TBC1D12: variants seen among roughly 807,000 people sequenced by gnomAD.
TBC1D12 encodes the protein TBC1 domain family, member 12.
Under a neutral mutation model 86.7 loss-of-function variants are expected in TBC1D12, and 56 were observed. The observed-to-expected ratio is 0.65, with a 90% CI of 0.52 to 0.81. The LOEUF (loss-of-function observed/expected upper bound fraction) is 0.81, where lower values mean the gene tolerates loss of function less well. TBC1D12 is among the 30% of genes least tolerant of loss of function. The pLI, the probability that TBC1D12 is intolerant of heterozygous loss-of-function variation, is 0.00. For synonymous variants in TBC1D12, 421 were observed against 411.7 expected (o/e 1.02, Z -0.27); for missense variants, 1,023 against 1,038.8 (o/e 0.98, Z 0.21).
chr10:94,413,191 C>G (rs2054949558), intron 1 of TBC1D12, among the ~76,000 whole-genome samples: 1 of 152,162 alleles, frequency 6.6e-6, no homozygotes, highest in South Asian at 2.1e-4. Flanking sequence ...AGAACAGATT[C>G]AAAATACAAA....
At chr10:94,452,211 A>G (rs2055561507) in intron 2 of TBC1D12, among the ~76,000 whole-genome samples, 1 of 152,052 alleles carries the variant, frequency 6.6e-6, no homozygotes, top group Admixed American at 6.6e-5. Flanking sequence ...CTGTCCCCAC[A>G]TACACACAAC....
rs2055960990 is a variant in TBC1D12 at position 94,474,696 on chromosome 10, G to A, written c.1124G>A (p.Cys375Tyr). 1.2e-6 allele frequency: 2 copies of A among 1,613,914 alleles called. No homozygotes were observed. Among genetic ancestry groups the A allele is most frequent in the African/African-American group, 1.3e-5 (1 of 74,886 alleles). The change falls in exon 3 of 13, where the codon TGT becomes TAT. Residue 375 changes from cysteine (C) to tyrosine (Y), a missense_variant. Transcript: ENST00000225235. ...QEYEARTGRT[C>Y]KPPPQSSRRK... Reference sequence around the variant, plus strand: ...TATGAAGCACGAACGGGGAGGACCTGTAAACCACCACCTCAGTCTTCAAGA... The same window carrying A: ...TATGAAGCACGAACGGGGAGGACCTATAAACCACCACCTCAGTCTTCAAGA...
At chr10:94,527,143 A>G (rs1842312859) in intron 11 of TBC1D12, among the ~76,000 whole-genome samples, 1 of 149,978 alleles carries the variant, frequency 6.7e-6, no homozygotes, top group Non-Finnish European at 1.5e-5. Context: ...CCCAGGCTGG[A>G]GTGCAGTGGC....
intron 3 of TBC1D12, among the ~76,000 whole-genome samples, chr10:94,492,637 AT>A (rs1201681314): frequency 2.0e-5 from 3 of 152,236 alleles, no homozygotes; most frequent in Non-Finnish European, 2.9e-5. Flanking sequence ...GAAGCCAGAC[AT>A]TAGTCCTTCA....
intron 2 of TBC1D12, 67 bp downstream of exon 2, chr10:94,442,086 T>C (rs930775840): frequency 4.5e-3 from 4,038 of 897,566 alleles, no homozygotes; most frequent in East Asian, 0.025. Flanking sequence ...CTTCTTCTTT[T>C]TTTTTTTTTT....
In TBC1D12 at chr10:94,510,186, G is replaced by T. The variant is rs772385566; in HGVS notation, c.1689+7G>T. The T allele has an allele frequency of 2.4e-5, 37 of 1,555,426 alleles. 1 individual carries two copies. In the Middle Eastern group the frequency reaches 4.0e-3, roughly 169 times the overall value. On this transcript the variant is annotated splice_region_variant and intron_variant, in intron 8 of 12. Coordinates refer to ENST00000225235, the MANE Select transcript of TBC1D12 (RefSeq NM_015188.2). The stretch of plus-strand genomic sequence containing the variant: ...TCTCTACATCTTTCAGAAGGTGAGG[G>T]TTTCTAACCAGCTTGTAATTACTTA...
chr10:94,527,108 C>T (rs926268709), intron 11 of TBC1D12, among the ~76,000 whole-genome samples: 3 of 109,224 alleles, frequency 2.7e-5, no homozygotes, highest in African/African-American at 7.6e-5. Context: ...GTGTGTGTGA[C>T]GGAGTCATTC....
intron 2 of TBC1D12, among the ~76,000 whole-genome samples, chr10:94,473,252 C>T (rs1411089699): frequency 5.3e-5 from 8 of 150,406 alleles, no homozygotes; most frequent in Non-Finnish European, 1.0e-4. Flanking sequence ...CCCAGCTACT[C>T]GGGAGGCTGA....
intron 11 of TBC1D12, among the ~76,000 whole-genome samples, chr10:94,524,565 C>T (rs546527289): frequency 1.8e-4 from 28 of 151,670 alleles, no homozygotes; most frequent in African/African-American, 2.4e-5. Flanking sequence ...ATGGTGAAAC[C>T]CGATTTCTAC....
At chr10:94,486,808 A>G (rs1290837827) in intron 3 of TBC1D12, among the ~76,000 whole-genome samples, 1 of 152,152 alleles carries the variant, frequency 6.6e-6, no homozygotes, top group East Asian at 1.9e-4. Context: ...GTATTTTGTT[A>G]ATATTCTATT....
At chr10:94,518,505 A>G (rs1342454638) in intron 9 of TBC1D12, among the ~76,000 whole-genome samples, 2 of 152,194 alleles carry the variant, frequency 1.3e-5, no homozygotes, top group African/African-American at 4.8e-5. Flanking sequence ...TCACTTTTCA[A>G]AAGTTAAGTC....
At chr10:94,456,195 AT>A (rs1476033176) in intron 2 of TBC1D12, among the ~76,000 whole-genome samples, 1 of 150,812 alleles carries the variant, frequency 6.6e-6, no homozygotes, top group Non-Finnish European at 1.5e-5. Context: ...CCTGCTCTTT[AT>A]TTTTTTCTGC....
At chr10:94,427,857 A>G (rs991685307) in intron 1 of TBC1D12, among the ~76,000 whole-genome samples, 1 of 147,672 alleles carries the variant, frequency 6.8e-6, no homozygotes, top group Non-Finnish European at 1.5e-5. Context: ...AAAAAAAAAA[A>G]GGAAAGAAAA....
At chr10:94,498,849 A>G (rs756878683) in intron 5 of TBC1D12, among the ~76,000 whole-genome samples, 20 of 151,332 alleles carry the variant, frequency 1.3e-4, no homozygotes, top group Non-Finnish European at 8.8e-5. Flanking sequence ...GCTCACCGCA[A>G]CCCCGACCTC....
In TBC1D12 at chr10:94,496,999, A is replaced by G; in HGVS notation, c.1295-56A>G. 3 of 1,052,716 alleles carry G rather than the reference A, an allele frequency of 2.8e-6. No homozygotes were observed. The South Asian group carries it at 4.9e-5, about 17-fold the overall frequency. 65.2% of individuals were successfully genotyped at this position (1,052,716 alleles called of 1,614,324 possible). ...TTTGTAGAGTTTAGGTAAATGGAGA[A>G]AAGGATTTTGATCTAGCTTATTTGT... On this transcript the variant is annotated intron_variant, in intron 4 of 12. Transcript: ENST00000225235.
chr10:94,450,653 G>A (rs1172298328), intron 2 of TBC1D12, among the ~76,000 whole-genome samples: 1 of 152,022 alleles, frequency 6.6e-6, no homozygotes, highest in African/African-American at 2.4e-5. Flanking sequence ...GAGCAATCCC[G>A]CTACTGGACA....
At chr10:94,504,642 T>A (rs2056438553) in intron 6 of TBC1D12, among the ~76,000 whole-genome samples, 1 of 152,180 alleles carries the variant, frequency 6.6e-6, no homozygotes, top group Non-Finnish European at 1.5e-5. Context: ...CAAATCTTGG[T>A]TCCACCATAA....
At chr10:94,474,612 T>C in intron 2 of TBC1D12, 56 bp from the exon 3 acceptor site, 4 of 1,206,778 alleles carry the variant, frequency 3.3e-6, no homozygotes, top group Middle Eastern at 1.9e-4. Flanking sequence ...ACAGATTTAA[T>C]AGTACAAACT....
At chr10:94,450,044 A>T (rs183991533) in intron 2 of TBC1D12, among the ~76,000 whole-genome samples, 2 of 152,332 alleles carry the variant, frequency 1.3e-5, no homozygotes, top group Admixed American at 1.3e-4. Flanking sequence ...CTATAGCAGA[A>T]CTTGAAGGAC....
Sources: gnomAD v4.1 joint callset for allele counts (sites outside exome capture counted in the v4.1 genomes callset) on GRCh38, gnomAD v4.1.1 for gene constraint, MANE v1.5 for transcripts, NCBI Gene and HGNC (gene_info 2026-07-23, HGNC 2026-07-21) for gene names.